Variants in AP4S1 observed in about 807,000 individuals in gnomAD.
AP4S1 encodes AP-4 complex subunit sigma-1.
In AP4S1, 23 loss-of-function variants were observed where a neutral mutation model predicts 19.8. That is an observed-to-expected ratio of 1.16 (90% CI 0.84 to 1.65). The LOEUF is 1.65. Among genes scored for constraint, AP4S1 ranks in the 40% most tolerant of loss-of-function variants. The pLI is 0.00. For synonymous variants in AP4S1, 46 were observed against 54.1 expected (o/e 0.85, Z 0.66); for missense variants, 166 against 172.8 (o/e 0.96, Z 0.22).
At chr14:31,043,225 GA>G (rs544165672) in intron 1 of AP4S1, among the ~76,000 whole-genome samples, 127 of 131,648 alleles carry the variant, frequency 9.6e-4, no homozygotes, top group Admixed American at 2.0e-3. Context: ...TTTCAAAAAA[GA>G]AAAAAAAAAA....
At chr14:31,073,466 G>A (rs1027797004) in intron 4 of AP4S1, among the ~76,000 whole-genome samples, 2 of 146,900 alleles carry the variant, frequency 1.4e-5, no homozygotes, top group Non-Finnish European at 3.0e-5. Context: ...CTCCAGCCTG[G>A]GCAACAGAGC....
At chr14:31,036,156 G>A (rs1300917809) in intron 1 of AP4S1, among the ~76,000 whole-genome samples, 3 of 150,984 alleles carry the variant, frequency 2.0e-5, no homozygotes, top group Non-Finnish European at 2.9e-5. Flanking sequence ...CTAATATATT[G>A]TTGCATCACG....
At chr14:31,079,469 G>A (rs143688781) in intron 4 of AP4S1, among the ~76,000 whole-genome samples, 15 of 152,114 alleles carry the variant, frequency 9.9e-5, no homozygotes, top group African/African-American at 3.1e-4. Flanking sequence ...CTGCACATTC[G>A]GAGGGAAGGC....
At chr14:31,052,272 G>A (rs1431351042) in intron 1 of AP4S1, among the ~76,000 whole-genome samples, 1 of 151,564 alleles carries the variant, frequency 6.6e-6, no homozygotes, top group Non-Finnish European at 1.5e-5. Flanking sequence ...ACCCTCTCGG[G>A]GAAAAAAAAG....
At chr14:31,073,334 C>T (rs540879082) in intron 4 of AP4S1, 100 of 204,788 alleles carry the variant, frequency 4.9e-4, no homozygotes, top group Admixed American at 2.1e-3. Flanking sequence ...ACTAAAAATA[C>T]AAAAAATTAG....
intron 5 of AP4S1, among the ~76,000 whole-genome samples, chr14:31,082,809 T>G (rs1244570224): frequency 6.6e-6 from 1 of 150,492 alleles, no homozygotes; most frequent in Non-Finnish European, 1.5e-5. Context: ...GGCAGGAGAA[T>G]GGCGTGAACC....
chr14:31,090,615 A>G (rs553650062), intron 5 of AP4S1, among the ~76,000 whole-genome samples: 175 of 152,292 alleles, frequency 1.1e-3, no homozygotes, highest in African/African-American at 4.1e-3. Flanking sequence ...GGCCCTTCTT[A>G]CTTCCTCCTA....
At chr14:31,082,087 T>G (rs1887667271) in intron 5 of AP4S1, among the ~76,000 whole-genome samples, 1 of 152,170 alleles carries the variant, frequency 6.6e-6, no homozygotes, top group Non-Finnish European at 1.5e-5. Flanking sequence ...TGCTATTTAC[T>G]TGTTATTACT....
At chr14:31,070,028 C>T in intron 3 of AP4S1, 99 bp downstream of exon 3, 1 of 1,042,804 alleles carries the variant, frequency 9.6e-7, no homozygotes. Flanking sequence ...CAGAATTTTG[C>T]CCTGTCACCA....
intron 5 of AP4S1, among the ~76,000 whole-genome samples, chr14:31,082,903 A>C (rs912872150): frequency 5.9e-5 from 9 of 152,154 alleles, no homozygotes; most frequent in Non-Finnish European, 8.8e-5. Context: ...CTCAAAAAAA[A>C]AAAAAAAGAC....
At chr14:31,035,258 G>A (rs1342152349) in intron 1 of AP4S1, among the ~76,000 whole-genome samples, 3 of 141,874 alleles carry the variant, frequency 2.1e-5, no homozygotes, top group African/African-American at 5.3e-5. Flanking sequence ...GCAGTGGTGC[G>A]ATCTCTTCTC....
At chr14:31,082,877 C>G (rs1346134038) in intron 5 of AP4S1, among the ~76,000 whole-genome samples, 1 of 145,250 alleles carries the variant, frequency 6.9e-6, no homozygotes, top group Admixed American at 7.1e-5. Context: ...GCCTGGGCGA[C>G]AGAGCGAGAC....
At chr14:31,079,820 A>C (rs1230713902) in intron 4 of AP4S1, among the ~76,000 whole-genome samples, 1 of 152,128 alleles carries the variant, frequency 6.6e-6, no homozygotes, top group Non-Finnish European at 1.5e-5. Context: ...ACTGACTCCA[A>C]ATAAATAAAT....
intron 5 of AP4S1, among the ~76,000 whole-genome samples, chr14:31,091,231 A>AGTT (rs1290274002): frequency 1.3e-5 from 2 of 152,176 alleles, no homozygotes. Context: ...TCTCAAAGAA[A>AGTT]GTTATCTTGG....
intron 5 of AP4S1, among the ~76,000 whole-genome samples, chr14:31,084,582 G>C (rs1887827111): frequency 6.6e-6 from 1 of 152,222 alleles, no homozygotes; most frequent in Non-Finnish European, 1.5e-5. Flanking sequence ...AAGCACGTCA[G>C]TGACCTAAAT....
At chr14:31,085,279 C>G in intron 5 of AP4S1, 2 of 1,011,804 alleles carry the variant, frequency 2.0e-6, no homozygotes, top group Non-Finnish European at 2.4e-6. Context: ...CTCTGCAAGC[C>G]TCTCCTCCAC....
chr14:31,073,261 T>C lies in AP4S1; in HGVS notation c.294+288T>C, dbSNP rs111419410. ...ATCCCAGCACTTTGGGAGGCTAAGG[T>C]GGGCAGATCACAAGGTCAGGAGATG... is the stretch of plus-strand genomic sequence containing the variant. On this transcript the variant is annotated intron_variant, in intron 4 of 5. Coordinates refer to ENST00000542754, the MANE Select transcript of AP4S1 (RefSeq NM_001128126.3). 8.3e-3 allele frequency: 2,878 copies of C among 345,406 alleles called. 19 individuals are homozygous for C. The highest frequency in any genetic ancestry group is 9.0e-3 in the Non-Finnish European group (1,642 of 181,650). 21.4% of individuals were successfully genotyped at this position (345,406 alleles called of 1,614,324 possible).
intron 4 of AP4S1, among the ~76,000 whole-genome samples, chr14:31,079,124 G>A (rs1341558200): frequency 1.3e-5 from 2 of 152,176 alleles, no homozygotes; most frequent in African/African-American, 2.4e-5. Context: ...GGTTGTTGCT[G>A]TTGAAGAAGT....
chr14:31,081,728 G>C (rs1287556378), intron 5 of AP4S1, among the ~76,000 whole-genome samples: 5 of 151,558 alleles, frequency 3.3e-5, no homozygotes, highest in Non-Finnish European at 7.4e-5. Flanking sequence ...ATACATACAT[G>C]TATTTATGTG....
Sources: gnomAD v4.1 joint callset for allele counts (sites outside exome capture counted in the v4.1 genomes callset) on GRCh38, gnomAD v4.1.1 for gene constraint, MANE v1.5 for transcripts, NCBI Gene and HGNC (gene_info 2026-07-23, HGNC 2026-07-21) for gene names.